CAMKMT: variants seen among roughly 807,000 people sequenced by gnomAD.
CAMKMT encodes the protein calmodulin-lysine N-methyltransferase.
A neutral mutation model predicts 48.0 loss-of-function variants in CAMKMT; 53 were observed. That is an observed-to-expected ratio of 1.10 (90% CI 0.89 to 1.39). The LOEUF (loss-of-function observed/expected upper bound fraction) is 1.39. Among genes scored for constraint, CAMKMT ranks in the 40% most tolerant of loss-of-function variants. The pLI, the probability that CAMKMT is intolerant of heterozygous loss-of-function variation, is 0.00. For missense variants in CAMKMT, 428 were observed against 402.7 expected, an observed-to-expected ratio of 1.06 and a Z score of -0.54; for synonymous variants, 165 against 152.3, an observed-to-expected ratio of 1.08 and a Z score of -0.61.
intron 3 of CAMKMT, chr2:44,456,852 A>G (rs1027976032): frequency 2.4e-6 from 1 of 423,960 alleles, no homozygotes; most frequent in African/African-American, 2.0e-5. Flanking sequence ...CTACAAAGCT[A>G]GTGTCTGGGA....
intron 3 of CAMKMT, among the ~76,000 whole-genome samples, chr2:44,681,467 C>T (rs945388676): frequency 2.6e-5 from 4 of 151,660 alleles, no homozygotes; most frequent in Non-Finnish European, 4.4e-5. Flanking sequence ...CAGTGTGATT[C>T]GGCAACCAAA....
chr2:44,729,309 A>G (rs769866173), intron 7 of CAMKMT, among the ~76,000 whole-genome samples: 4 of 152,236 alleles, frequency 2.6e-5, no homozygotes, highest in Non-Finnish European at 5.9e-5. Flanking sequence ...TGATCAGAAC[A>G]TAACTACGGG....
chr2:44,652,663 G>A (rs891825887), intron 3 of CAMKMT, among the ~76,000 whole-genome samples: 1 of 152,190 alleles, frequency 6.6e-6, no homozygotes, highest in Admixed American at 6.5e-5. Flanking sequence ...ACACACTCTT[G>A]GACACTGGTT....
intron 2 of CAMKMT, among the ~76,000 whole-genome samples, chr2:44,384,148 CTT>C (rs1422897659): frequency 1.3e-5 from 2 of 152,078 alleles, no homozygotes; most frequent in Non-Finnish European, 2.9e-5. Flanking sequence ...TGTTTTTTGA[CTT>C]TTTGATTATA....
chr2:44,362,383 T>C (rs980539727), intron 1 of CAMKMT, among the ~76,000 whole-genome samples: 1 of 152,112 alleles, frequency 6.6e-6, no homozygotes, highest in Non-Finnish European at 1.5e-5. Context: ...GAAACTCAGA[T>C]CGAAGTAGAA....
At chr2:44,406,788 G>A (rs921594245) in intron 3 of CAMKMT, among the ~76,000 whole-genome samples, 1 of 152,112 alleles carries the variant, frequency 6.6e-6, no homozygotes, top group African/African-American at 2.4e-5. Flanking sequence ...TTGTAGGAAC[G>A]AGGTTTCTCC....
chr2:44,573,877 ATGTC>A (rs1372267687), intron 3 of CAMKMT, among the ~76,000 whole-genome samples: 1 of 152,172 alleles, frequency 6.6e-6, no homozygotes, highest in Non-Finnish European at 1.5e-5. Context: ...ATATGTAAGT[ATGTC>A]TATTTCTGAA....
chr2:44,387,540 T>G (rs778680169), intron 2 of CAMKMT, among the ~76,000 whole-genome samples: 2 of 152,208 alleles, frequency 1.3e-5, no homozygotes, highest in Non-Finnish European at 2.9e-5. Context: ...TGAGGTACCC[T>G]TGCATTAATT....
intron 6 of CAMKMT, among the ~76,000 whole-genome samples, chr2:44,711,253 T>C (rs1019038657): frequency 3.9e-5 from 6 of 152,118 alleles, no homozygotes; most frequent in Admixed American, 1.3e-4. Flanking sequence ...ACAACAAATA[T>C]GTATTTTTTG....
chr2:44,711,286 AC>A (rs1248402106), intron 6 of CAMKMT, among the ~76,000 whole-genome samples: 1 of 152,206 alleles, frequency 6.6e-6, no homozygotes, highest in Non-Finnish European at 1.5e-5. Flanking sequence ...AATTAATTCA[AC>A]CAATATTAAT....
At chr2:44,598,798 T>C (rs769462104) in intron 3 of CAMKMT, among the ~76,000 whole-genome samples, 5 of 149,062 alleles carry the variant, frequency 3.4e-5, no homozygotes, top group Non-Finnish European at 5.9e-5. Context: ...AAAGAAGGAA[T>C]AAATAAAGTC....
chr2:44,529,529 A>G lies in CAMKMT; in HGVS notation c.376+139224A>G, dbSNP rs557824557. 1.1e-3 allele frequency among the ~76,000 whole-genome samples: 173 copies of G among 152,320 alleles called. 2 individuals are homozygous for G. Among genetic ancestry groups the G allele is most frequent in the Admixed American group, 0.011 (172 of 15,296 alleles). On this transcript the variant is annotated intron_variant, in intron 3 of 10. Transcript: ENST00000378494. ...GTCTATGATACTCTAAGGAATGAAT[A>G]CATGTTCACCTTTATACAAGAAATC...
At position 44,602,644 on chromosome 2, in the gene CAMKMT, C is replaced by T. The variant is rs992677109; in HGVS notation, c.377-101639C>T. ...GGCTTCAGGAAACTTACAATCATGG[C>T]GGAAAGTGAAGGGGAAGCAAGCACG... On this transcript the variant is annotated intron_variant, in intron 3 of 10. Transcript: ENST00000378494. 5.9e-5 allele frequency among the ~76,000 whole-genome samples: 9 copies of T among 151,898 alleles called. 1 individual carries two copies. Among genetic ancestry groups the T allele is most frequent in the African/African-American group, 1.7e-4 (7 of 41,262 alleles).
intron 3 of CAMKMT, among the ~76,000 whole-genome samples, chr2:44,527,785 G>GACC (rs1553409530): frequency 1.2e-5 from 1 of 84,782 alleles, no homozygotes; most frequent in Non-Finnish European, 2.3e-5. Flanking sequence ...CATGTGTACA[G>GACC]CCCCCCCCCC....
In CAMKMT at chr2:44,422,062, G is replaced by T. The variant is rs989500987; in HGVS notation, c.376+31757G>T. Among the ~76,000 whole-genome samples, 10 of 152,318 alleles carry T rather than the reference G, an allele frequency of 6.6e-5. No homozygotes were observed. The East Asian group carries it at 1.4e-3, about 21-fold the overall frequency. Reference sequence around the variant, plus strand: ...TCCCTGTCAAATCTCACATTGAAATGTAATCCCCAGTGTTGGAGGTGGGGC... The same window carrying T: ...TCCCTGTCAAATCTCACATTGAAATTTAATCCCCAGTGTTGGAGGTGGGGC... On this transcript the variant is annotated intron_variant, in intron 3 of 10. Coordinates refer to ENST00000378494, the MANE Select transcript of CAMKMT (RefSeq NM_024766.5).
intron 3 of CAMKMT, among the ~76,000 whole-genome samples, chr2:44,608,070 CTTTT>C (rs10587945): frequency 0.015 from 1,641 of 111,926 alleles, 18 homozygotes; most frequent in African/African-American, 0.052. Flanking sequence ...ATATATTTTC[CTTTT>C]TTTTTTTTTT....
chr2:44,464,847 T>C (rs1456165015), intron 3 of CAMKMT, among the ~76,000 whole-genome samples: 3 of 152,126 alleles, frequency 2.0e-5, no homozygotes, highest in Non-Finnish European at 2.9e-5. Flanking sequence ...ATCTTTCAAG[T>C]TGAAACAAAA....
chr2:44,437,778 T>G (rs1173284936), intron 3 of CAMKMT, among the ~76,000 whole-genome samples: 1 of 145,696 alleles, frequency 6.9e-6, no homozygotes, highest in Non-Finnish European at 1.5e-5. Flanking sequence ...CCCAGGAGTT[T>G]GAAGCTGCAG....
At chr2:44,749,749 T>G (rs1350235654) in intron 8 of CAMKMT, among the ~76,000 whole-genome samples, 1 of 152,066 alleles carries the variant, frequency 6.6e-6, no homozygotes, top group Non-Finnish European at 1.5e-5. Flanking sequence ...TGAACCAAGT[T>G]CCTCCCTTGT....
Sources: gnomAD v4.1 joint callset for allele counts (sites outside exome capture counted in the v4.1 genomes callset) on GRCh38, gnomAD v4.1.1 for gene constraint, MANE v1.5 for transcripts, NCBI Gene and HGNC (gene_info 2026-07-23, HGNC 2026-07-21) for gene names.